The following CNTN5 variants were observed in gnomAD, a reference collection of about 807,000 sequenced individuals.
CNTN5 encodes the protein contactin 5.
A neutral mutation model predicts 129.1 loss-of-function variants in CNTN5; 77 were observed. That is an observed-to-expected ratio of 0.60 (90% CI 0.50 to 0.72). CNTN5 has a LOEUF of 0.72. Among genes scored for constraint, CNTN5 ranks in the 30% least tolerant of loss-of-function variants. CNTN5 has a pLI of 0.00. For synonymous variants in CNTN5, 509 were observed against 465.6 expected, an observed-to-expected ratio of 1.09 and a Z score of -1.20; for missense variants, 1,478 against 1,328.8, an observed-to-expected ratio of 1.11 and a Z score of -1.75.
chr11:99,027,674 T>G (rs2135073893), intron 1 of CNTN5, among the ~76,000 whole-genome samples: 1 of 151,810 alleles, frequency 6.6e-6, no homozygotes, highest in South Asian at 2.1e-4. Flanking sequence ...TAGAACTGAA[T>G]ATGATAAAAC....
chr11:100,163,111 A>G (rs1246306099), intron 13 of CNTN5, among the ~76,000 whole-genome samples: 1 of 151,678 alleles, frequency 6.6e-6, no homozygotes, highest in Non-Finnish European at 1.5e-5. Flanking sequence ...AAATCTCTGT[A>G]CTAAATTTCA....
intron 2 of CNTN5, among the ~76,000 whole-genome samples, chr11:99,424,233 G>T (rs1943020079): frequency 6.6e-6 from 1 of 152,174 alleles, no homozygotes; most frequent in African/African-American, 2.4e-5. Context: ...ATTACCTGAA[G>T]ACAAGCACTA....
chr11:99,719,693 C>T (rs757978105), intron 3 of CNTN5, among the ~76,000 whole-genome samples: 6 of 151,632 alleles, frequency 4.0e-5, no homozygotes, highest in Admixed American at 6.6e-5. Context: ...AACAAAAATC[C>T]GAGCTGAACT....
chr11:99,861,072 C>T (rs1400702566), intron 6 of CNTN5, among the ~76,000 whole-genome samples: 1 of 150,566 alleles, frequency 6.6e-6, no homozygotes, highest in East Asian at 2.0e-4. Context: ...TCTCTGGCCT[C>T]AGCCTCCTGA....
chr11:99,139,667 T>A (rs1475910696), intron 1 of CNTN5, among the ~76,000 whole-genome samples: 1 of 152,204 alleles, frequency 6.6e-6, no homozygotes, highest in Non-Finnish European at 1.5e-5. Context: ...TAATTTGTCT[T>A]ATTAAATATT....
chr11:99,762,971 A>G (rs904613942), intron 3 of CNTN5, among the ~76,000 whole-genome samples: 4 of 152,114 alleles, frequency 2.6e-5, no homozygotes, highest in Admixed American at 6.6e-5. Context: ...CAGTCTCCCA[A>G]TAAACACATG....
chr11:99,138,120 T>C (rs1173200664), intron 1 of CNTN5, among the ~76,000 whole-genome samples: 1 of 152,222 alleles, frequency 6.6e-6, no homozygotes, highest in African/African-American at 2.4e-5. Flanking sequence ...TTTTGTATTA[T>C]ATAAACACAT....
At chr11:100,276,461 C>T (rs10894685) in intron 18 of CNTN5, among the ~76,000 whole-genome samples, 87,413 of 145,016 alleles carry the variant, frequency 0.6, 29,320 homozygotes, top group South Asian at 0.81. Flanking sequence ...ACCCGGGAGG[C>T]AGAGGTTGCA....
intron 3 of CNTN5, among the ~76,000 whole-genome samples, chr11:99,575,866 A>G (rs973832090): frequency 6.6e-6 from 1 of 152,136 alleles, no homozygotes; most frequent in Admixed American, 6.6e-5. Context: ...CATCAGTTAG[A>G]GAGTAGATTT....
chr11:99,284,887 T>C (rs1863864973), intron 1 of CNTN5, among the ~76,000 whole-genome samples: 1 of 152,136 alleles, frequency 6.6e-6, no homozygotes, highest in South Asian at 2.1e-4. Flanking sequence ...TGAGCATTTC[T>C]TGGAATTGAA....
intron 7 of CNTN5, among the ~76,000 whole-genome samples, chr11:99,942,538 G>A (rs1476646210): frequency 1.3e-5 from 2 of 152,056 alleles, no homozygotes; most frequent in African/African-American, 2.4e-5. Flanking sequence ...AAATCTTTAA[G>A]TTCTGGGATA....
At chr11:99,429,892 T>A (rs1046362313) in intron 2 of CNTN5, among the ~76,000 whole-genome samples, 1 of 151,734 alleles carries the variant, frequency 6.6e-6, no homozygotes, top group Non-Finnish European at 1.5e-5. Flanking sequence ...CATTTAGCCA[T>A]CTCTAAAAGC....
At chr11:100,064,651 C>A (rs947635562) in intron 10 of CNTN5, among the ~76,000 whole-genome samples, 4 of 152,016 alleles carry the variant, frequency 2.6e-5, no homozygotes, top group Non-Finnish European at 2.9e-5. Flanking sequence ...TAAGTCATTT[C>A]TTTGGCTATT....
At chr11:99,522,419 A>G (rs185246957) in intron 2 of CNTN5, among the ~76,000 whole-genome samples, 35 of 152,238 alleles carry the variant, frequency 2.3e-4, no homozygotes, top group South Asian at 6.2e-4. Flanking sequence ...ATAAAATACT[A>G]TACATTTTTT....
At chr11:99,276,083 C>T (rs1863413629) in intron 1 of CNTN5, among the ~76,000 whole-genome samples, 1 of 151,644 alleles carries the variant, frequency 6.6e-6, no homozygotes. Context: ...AAAAAAACTG[C>T]TCTCACAAGT....
chr11:99,078,840 A>G lies in CNTN5; in HGVS notation c.-210+57570A>G, dbSNP rs187004356. Among the ~76,000 whole-genome samples, 3 of 152,226 alleles carry G rather than the reference A, an allele frequency of 2.0e-5. No homozygotes were observed. In the East Asian group the frequency reaches 5.8e-4, roughly 29 times the overall value. ...GGAAGTGGGATTGGTTAGTGGATAT[A>G]AAAATATAGTGAGAATGAATAAGAT... is the stretch of plus-strand genomic sequence containing the variant. On this transcript the variant is annotated intron_variant, in intron 1 of 24. Coordinates refer to ENST00000524871, the MANE Select transcript of CNTN5 (RefSeq NM_014361.4).
At chr11:99,474,506 TA>T (rs1187205650) in intron 2 of CNTN5, among the ~76,000 whole-genome samples, 4 of 152,084 alleles carry the variant, frequency 2.6e-5, no homozygotes, top group African/African-American at 7.2e-5. Context: ...TAAATTCTAA[TA>T]AAAAAAGCCC....
intron 3 of CNTN5, among the ~76,000 whole-genome samples, chr11:99,649,230 C>T (rs7928657): frequency 0.23 from 35,331 of 151,294 alleles, 4,525 homozygotes; most frequent in East Asian, 0.41. Context: ...CAAATTATTT[C>T]GCATGTTTAT....
intron 3 of CNTN5, among the ~76,000 whole-genome samples, chr11:99,817,075 T>TATATC (rs1946611603): frequency 6.6e-6 from 1 of 152,196 alleles, no homozygotes; most frequent in Non-Finnish European, 1.5e-5. Context: ...AATTTACTTT[T>TATATC]ATATCACATG....
Sources: gnomAD v4.1 joint callset for allele counts (sites outside exome capture counted in the v4.1 genomes callset) on GRCh38, gnomAD v4.1.1 for gene constraint, MANE v1.5 for transcripts, NCBI Gene and HGNC (gene_info 2026-07-23, HGNC 2026-07-21) for gene names.